Variants in PPP1R9A observed in about 807,000 individuals in gnomAD.
PPP1R9A encodes neurabin-1.
Under a neutral mutation model 141.9 loss-of-function variants are expected in PPP1R9A, and 59 were observed. The ratio of observed to expected loss-of-function variants is 0.42; its 90% CI spans 0.34 to 0.52. PPP1R9A has a LOEUF of 0.52. PPP1R9A is among the 20% of genes least tolerant of loss of function. The pLI is 0.10. For synonymous variants in PPP1R9A, 500 were observed against 569.7 expected, an observed-to-expected ratio of 0.88 and a Z score of 1.74; for missense variants, 1,444 against 1,611.9, an observed-to-expected ratio of 0.90 and a Z score of 1.78.
intron 2 of PPP1R9A, among the ~76,000 whole-genome samples, chr7:94,926,222 TAAAATCTTTCCTGGCC>T (rs1793469336): frequency 6.6e-6 from 1 of 152,208 alleles, no homozygotes; most frequent in Admixed American, 6.5e-5. Context: ...CATTACAGAT[TAAAATCTTTCCTGGCC>T]ACTGCTCTGG....
intron 4 of PPP1R9A, among the ~76,000 whole-genome samples, chr7:95,146,132 C>T (rs1827566335): frequency 6.6e-6 from 1 of 152,164 alleles, no homozygotes; most frequent in Non-Finnish European, 1.5e-5. Flanking sequence ...TAAAAGCATT[C>T]CTATTTCTCC....
intron 2 of PPP1R9A, among the ~76,000 whole-genome samples, chr7:95,019,782 G>A (rs915466722): frequency 6.6e-6 from 1 of 151,564 alleles, no homozygotes; most frequent in Admixed American, 6.6e-5. Flanking sequence ...ATGTAAAACA[G>A]TAAACAGTTT....
At chr7:95,161,718 C>A in intron 4 of PPP1R9A, 149 bp from the exon 5 acceptor site, 1 of 528,858 alleles carries the variant, frequency 1.9e-6, no homozygotes, top group South Asian at 3.3e-5. Context: ...TAACAGGAAG[C>A]AGAACTGACT....
At chr7:95,125,198 C>T (rs1166491256) in intron 4 of PPP1R9A, among the ~76,000 whole-genome samples, 1 of 151,962 alleles carries the variant, frequency 6.6e-6, no homozygotes, top group Non-Finnish European at 1.5e-5. Flanking sequence ...CCAGGCTGAC[C>T]TCAAACTCTT....
chr7:95,252,467 A>ATTTTT (rs71127405), intron 12 of PPP1R9A, among the ~76,000 whole-genome samples: 11 of 107,048 alleles, frequency 1.0e-4, no homozygotes, highest in African/African-American at 2.1e-4. Context: ...TAAGGTTTAG[A>ATTTTT]TTTTTTTTTT....
chr7:94,907,482 C>T (rs1002256565), upstream of PPP1R9A, among the ~76,000 whole-genome samples: 3 of 152,094 alleles, frequency 2.0e-5, no homozygotes, highest in African/African-American at 7.2e-5. Flanking sequence ...CAGCGGTCAG[C>T]CCCAGAACCA....
intron 1 of PPP1R9A, among the ~76,000 whole-genome samples, chr7:94,909,621 TTATGTG>T (rs1791225672): frequency 6.6e-6 from 1 of 152,094 alleles, no homozygotes; most frequent in African/African-American, 2.4e-5. Flanking sequence ...TCAAATATAC[TTATGTG>T]TAGCTTGTAT....
intron 2 of PPP1R9A, among the ~76,000 whole-genome samples, chr7:95,028,727 CATCCT>C (rs1807247963): frequency 6.6e-6 from 1 of 152,160 alleles, no homozygotes; most frequent in Admixed American, 6.6e-5. Flanking sequence ...ACGTAAAGAA[CATCCT>C]ATTTAATACA....
intron 2 of PPP1R9A, among the ~76,000 whole-genome samples, chr7:94,965,091 G>C (rs1798058246): frequency 6.6e-6 from 1 of 150,842 alleles, no homozygotes; most frequent in Non-Finnish European, 1.5e-5. Flanking sequence ...ATGAGCTTAT[G>C]TTTGTTGGCT....
chr7:95,062,912 A>T (rs1812434426), intron 2 of PPP1R9A, among the ~76,000 whole-genome samples: 1 of 152,130 alleles, frequency 6.6e-6, no homozygotes, highest in African/African-American at 2.4e-5. Context: ...TAGATGGCAG[A>T]TGGGGGACTG....
chr7:95,113,649 A>G (rs1820969746), intron 3 of PPP1R9A, among the ~76,000 whole-genome samples: 1 of 152,200 alleles, frequency 6.6e-6, no homozygotes, highest in Non-Finnish European at 1.5e-5. Flanking sequence ...CTGAGGGTAA[A>G]AAGGATGGTG....
chr7:95,245,525 A>G (rs1056122568), intron 8 of PPP1R9A, among the ~76,000 whole-genome samples: 2 of 152,160 alleles, frequency 1.3e-5, no homozygotes, highest in Admixed American at 6.6e-5. Context: ...ATTCAAGCCT[A>G]TCTGACTGGC....
intron 2 of PPP1R9A, 99 bp downstream of exon 2, chr7:94,911,607 A>G: frequency 1.1e-6 from 1 of 912,956 alleles, no homozygotes; most frequent in Non-Finnish European, 1.6e-6. Flanking sequence ...AGTTTTTGTA[A>G]GGGATTCAAG....
At chr7:94,953,776 A>T (rs9656024) in intron 2 of PPP1R9A, among the ~76,000 whole-genome samples, 10,979 of 152,150 alleles carry the variant, frequency 0.072, 530 homozygotes, top group African/African-American at 0.14. Context: ...TTATTGGTGT[A>T]TAGGAATGCT....
intron 8 of PPP1R9A, among the ~76,000 whole-genome samples, chr7:95,238,026 ACTTAGT>A (rs766423668): frequency 4.6e-5 from 7 of 151,806 alleles, no homozygotes; most frequent in Non-Finnish European, 5.9e-5. Context: ...ACTTATTTTG[ACTTAGT>A]CTTAGGTTAT....
At chr7:94,965,893 C>G (rs1798157372) in intron 2 of PPP1R9A, among the ~76,000 whole-genome samples, 1 of 151,918 alleles carries the variant, frequency 6.6e-6, no homozygotes, top group African/African-American at 2.4e-5. Context: ...GGCATTGAAT[C>G]TATAAATTAC....
chr7:95,290,420 G>A lies in PPP1R9A; in HGVS notation c.*117G>A. ...AATGATAAGGGTAATGCGGCTCTAGGCCGGCTGAGGAACTGTGTGTTGAAT... is the reference window on the plus strand; with the variant it reads ...AATGATAAGGGTAATGCGGCTCTAGACCGGCTGAGGAACTGTGTGTTGAAT... On this transcript the variant is annotated 3_prime_UTR_variant, in exon 20 of 20. Transcript: ENST00000433360. 8.6e-7 allele frequency: 1 copy of A among 1,161,930 alleles called. No homozygotes were observed. The highest frequency in any genetic ancestry group is 1.2e-6 in the Non-Finnish European group (1 of 840,314). 72.0% of individuals were successfully genotyped at this position (1,161,930 alleles called of 1,614,324 possible). A position where few individuals can be genotyped will look rare whatever the true frequency, so the allele number is the denominator to read the frequency against.
At chr7:95,274,720 T>C (rs866311044) in intron 16 of PPP1R9A, among the ~76,000 whole-genome samples, 4 of 152,308 alleles carry the variant, frequency 2.6e-5, no homozygotes, top group Middle Eastern at 3.4e-3. Flanking sequence ...GAACAGCATG[T>C]TATCAAATTT....
At chr7:95,121,459 G>GTCTGTCTGTCTATCTA (rs1268112373) in intron 4 of PPP1R9A, among the ~76,000 whole-genome samples, 2 of 50,304 alleles carry the variant, frequency 4.0e-5, no homozygotes, top group African/African-American at 9.5e-5. Context: ...CTGTCTGTCT[G>GTCTGTCTGTCTATCTA]TCTATCTATC....
Sources: gnomAD v4.1 joint callset for allele counts (sites outside exome capture counted in the v4.1 genomes callset) on GRCh38, gnomAD v4.1.1 for gene constraint, MANE v1.5 for transcripts, NCBI Gene and HGNC (gene_info 2026-07-23, HGNC 2026-07-21) for gene names.